The following GNG2 variants were observed in gnomAD, a reference collection of about 807,000 sequenced individuals.
GNG2 encodes the protein guanine nucleotide-binding protein G(I)/G(S)/G(O) subunit gamma-2.
A neutral mutation model predicts 5.5 loss-of-function variants in GNG2; 5 were observed. That is an observed-to-expected ratio of 0.91 (90% CI 0.48 to 1.92). GNG2 has a LOEUF of 1.92. GNG2 is among the 30% of genes most tolerant of loss of function. The probability of loss-of-function intolerance (pLI) is 0.01; values close to 1 mark genes in which losing one functional copy is unlikely to be tolerated. For synonymous variants in GNG2, 28 were observed against 32.0 expected (o/e 0.88, Z 0.42); for missense variants, 55 against 88.4 (o/e 0.62, Z 1.52).
At chr14:51,914,055 A>G in intron 2 of GNG2, 1 of 572,834 alleles carries the variant, frequency 1.7e-6, no homozygotes, top group African/African-American at 1.9e-5. Flanking sequence ...ACTGTATCCA[A>G]TATAAAGTTC....
At chr14:51,939,708 C>G (rs1249188479) in intron 2 of GNG2, 1 of 152,128 alleles carries the variant, frequency 6.6e-6, no homozygotes, top group African/African-American at 2.4e-5. Flanking sequence ...CCTTCTTGAC[C>G]CCCACAGCAA....
intron 3 of GNG2, chr14:51,952,066 G>T (rs961150399): frequency 1.7e-6 from 1 of 604,282 alleles, no homozygotes; most frequent in African/African-American, 1.9e-5. Flanking sequence ...AGTTCATTCC[G>T]ATGTATAGCC....
At chr14:51,903,238 G>C (rs995393357) in intron 2 of GNG2, among the ~76,000 whole-genome samples, 10 of 152,126 alleles carry the variant, frequency 6.6e-5, no homozygotes, top group African/African-American at 2.4e-4. Context: ...TTTACCTCCA[G>C]TTTAATGTTA....
intron 2 of GNG2, among the ~76,000 whole-genome samples, chr14:51,912,832 C>G (rs1030388227): frequency 4.2e-5 from 4 of 95,938 alleles, no homozygotes; most frequent in Non-Finnish European, 5.5e-5. Flanking sequence ...CAGCTACTGG[C>G]TTGGTTTTGG....
chr14:51,942,585 C>CTTTCTTTCTT (rs1555356832), intron 2 of GNG2, among the ~76,000 whole-genome samples: 1 of 61,610 alleles, frequency 1.6e-5, no homozygotes, highest in Non-Finnish European at 3.0e-5. Context: ...TTCTTTCTTT[C>CTTTCTTTCTT]TTTCTTTTTT....
Position 51,898,157 on chromosome 14 carries a change from A to G in GNG2, c.-30+20500A>G, listed in dbSNP as rs528949330. On this transcript the variant is annotated intron_variant, in intron 2 of 3. Coordinates refer to ENST00000556766, the MANE Select transcript of GNG2 (RefSeq NM_053064.5). The stretch of plus-strand genomic sequence containing the variant: ...AGATCTCATTTTCTAAAAATTTTGG[A>G]GTGGCATTATTCCAACCATGTCCCC... 5.4e-4 allele frequency among the ~76,000 whole-genome samples: 82 copies of G among 152,282 alleles called. 1 individual carries two copies. Among genetic ancestry groups the G allele is most frequent in the South Asian group, 1.7e-3 (8 of 4,828 alleles).
intron 2 of GNG2, among the ~76,000 whole-genome samples, chr14:51,896,042 G>A (rs79533122): frequency 1.7e-3 from 259 of 152,224 alleles, no homozygotes; most frequent in African/African-American, 5.8e-3. Context: ...CTTGATCAGC[G>A]GTGTGAAAAC....
At chr14:51,852,246 AT>A (rs1881942198) in intron 2 of GNG2, among the ~76,000 whole-genome samples, 2 of 152,254 alleles carry the variant, frequency 1.3e-5, no homozygotes, top group South Asian at 4.1e-4. Context: ...CTTTGTTAAC[AT>A]TTTAAAAATT....
At position 51,945,898 on chromosome 14, in the gene GNG2, G is replaced by A. The variant is rs200639786; in HGVS notation, c.-29-4752G>A. On this transcript the variant is annotated intron_variant, in intron 2 of 3. Coordinates refer to ENST00000556766, the MANE Select transcript of GNG2 (RefSeq NM_053064.5). ...TTTTCTCCTCTTCCTCTCACGTTGC[G>A]TTGTTTGTTTGTTTGTTTGTTTAAG... is the stretch of plus-strand genomic sequence containing the variant. Among the ~76,000 whole-genome samples, 12 of 151,428 alleles carry A rather than the reference G, an allele frequency of 7.9e-5. 1 individual carries two copies. The highest frequency in any genetic ancestry group is 1.2e-4 in the African/African-American group (5 of 41,252).
intron 2 of GNG2, among the ~76,000 whole-genome samples, chr14:51,830,674 C>G (rs935015780): frequency 2.0e-5 from 3 of 152,214 alleles, no homozygotes; most frequent in Admixed American, 1.3e-4. Flanking sequence ...TATTCAGCCG[C>G]TAACCACTTC....
At chr14:51,838,350 A>G (rs1881394817) in intron 2 of GNG2, among the ~76,000 whole-genome samples, 1 of 152,002 alleles carries the variant, frequency 6.6e-6, no homozygotes, top group Non-Finnish European at 1.5e-5. Context: ...AGGCTGAGGC[A>G]GGAGAATCGC....
intron 2 of GNG2, among the ~76,000 whole-genome samples, chr14:51,902,923 GAGAA>G (rs66774580): frequency 0.16 from 24,100 of 151,814 alleles, 3,888 homozygotes; most frequent in African/African-American, 0.42. Flanking sequence ...TCCAATGCAG[GAGAA>G]AGAAAAATTC....
At chr14:51,862,452 C>T (rs772738403) in intron 1 of GNG2, among the ~76,000 whole-genome samples, 13 of 152,190 alleles carry the variant, frequency 8.5e-5, no homozygotes, top group Non-Finnish European at 1.9e-4. Context: ...TCCAGAATGA[C>T]CCAGTGGAGT....
At chr14:51,864,662 T>C (rs957319787) in intron 1 of GNG2, among the ~76,000 whole-genome samples, 2 of 152,166 alleles carry the variant, frequency 1.3e-5, no homozygotes, top group African/African-American at 2.4e-5. Context: ...GCTGGTCAAA[T>C]CTCAGACCAG....
chr14:51,899,685 C>A (rs35857266), intron 2 of GNG2, among the ~76,000 whole-genome samples: 1 of 152,344 alleles, frequency 6.6e-6, no homozygotes, highest in Admixed American at 6.5e-5. Context: ...TGCCCTCCCC[C>A]CAGTCCCTGG....
At chr14:51,827,675 C>T (rs1172591219) in exon 2 of GNG2, 13 of 701,630 alleles carry the variant, frequency 1.9e-5, no homozygotes, top group Admixed American at 6.0e-5. Flanking sequence ...CAGAATTACA[C>T]GCAGTGGAAA....
intron 1 of GNG2, among the ~76,000 whole-genome samples, chr14:51,868,179 C>T (rs574479519): frequency 6.6e-4 from 100 of 152,282 alleles, no homozygotes; most frequent in Middle Eastern, 3.4e-3. Context: ...GCCATGTGCT[C>T]GTCAAGATGC....
chr14:51,877,560 T>C, intron 1 of GNG2, 57 bp from the exon 2 acceptor site: 1 of 453,066 alleles, frequency 2.2e-6, no homozygotes, highest in South Asian at 1.6e-5. Flanking sequence ...CCAGCTCTTG[T>C]GTATCATGTT....
chr14:51,829,834 C>T (rs1255173614), intron 2 of GNG2, among the ~76,000 whole-genome samples: 2 of 138,798 alleles, frequency 1.4e-5, no homozygotes, highest in African/African-American at 5.5e-5. Flanking sequence ...GTTGATCACT[C>T]CCTACTTCTT....
Sources: gnomAD v4.1 joint callset for allele counts (sites outside exome capture counted in the v4.1 genomes callset) on GRCh38, gnomAD v4.1.1 for gene constraint, MANE v1.5 for transcripts, NCBI Gene and HGNC (gene_info 2026-07-23, HGNC 2026-07-21) for gene names.